Variants in SZT2 observed in about 807,000 individuals in gnomAD.
SZT2 encodes the protein SZT2 subunit of KICSTOR complex.
SZT2 carries 216 observed loss-of-function variants against 404.2 expected under a neutral mutation model. The observed-to-expected ratio is 0.53, with a 90% CI of 0.48 to 0.60. SZT2 has a LOEUF of 0.60. Among genes scored for constraint, SZT2 ranks in the 20% least tolerant of loss-of-function variants. The probability of loss-of-function intolerance (pLI) is 0.00; values close to 1 mark genes in which losing one functional copy is unlikely to be tolerated. For synonymous variants in SZT2, 1,693 were observed against 1,749.9 expected (o/e 0.97, Z 0.81); for missense variants, 3,857 against 4,459.2 (o/e 0.86, Z 3.85).
At chr1:43,435,165 A>G (rs1247175352) in intron 41 of SZT2, 35 bp from the exon 42 acceptor site, 10 of 1,609,440 alleles carry the variant, frequency 6.2e-6, no homozygotes, top group Non-Finnish European at 8.5e-6. Flanking sequence ...AGGAGGAGGT[A>G]TTTCAGTTCC....
At chr1:43,418,145 A>G (rs1570613143) in intron 7 of SZT2, among the ~76,000 whole-genome samples, 1 of 152,172 alleles carries the variant, frequency 6.6e-6, no homozygotes, top group Non-Finnish European at 1.5e-5. Context: ...AGAAGGAAGG[A>G]AATAGGGACA....
chr1:43,421,078 C>T, intron 10 of SZT2, 95 bp downstream of exon 10: 1 of 1,594,720 alleles, frequency 6.3e-7, no homozygotes, highest in Non-Finnish European at 8.5e-7. Context: ...ACCCAGAGAA[C>T]CAGGCTTATA....
intron 11 of SZT2, 121 bp from the exon 12 acceptor site, chr1:43,421,962 C>T (rs1652413289): frequency 8.7e-7 from 1 of 1,154,608 alleles, no homozygotes; most frequent in Non-Finnish European, 1.2e-6. Context: ...GGGCTGTAGC[C>T]TCAAACCACT....
Position 43,447,838 on chromosome 1 carries a change from G to A in SZT2, c.9441-11G>A, listed in dbSNP as rs201731223. 46 of 1,614,028 alleles carry A rather than the reference G, an allele frequency of 2.9e-5. No homozygotes were observed. The highest frequency in any genetic ancestry group is 2.7e-4 in the East Asian group (12 of 44,878). On this transcript the variant is annotated splice_polypyrimidine_tract_variant and intron_variant, in intron 67 of 71. Coordinates refer to ENST00000634258, the MANE Select transcript of SZT2 (RefSeq NM_001365999.1). ...CCCAGAGTTGACATCTCCCCAACCC[G>A]TCCTGCACAGTTCTGGCTCCTACCT...
At chr1:43,407,199 G>A (rs1244045953) in intron 4 of SZT2, among the ~76,000 whole-genome samples, 1 of 152,160 alleles carries the variant, frequency 6.6e-6, no homozygotes, top group East Asian at 1.9e-4. Flanking sequence ...CATTTTCTCT[G>A]TGGCTCCCTC....
At position 43,453,596 on chromosome 1, in the gene SZT2, C is replaced by G. The variant is rs1435200367; in HGVS notation, c.*3116C>G. The G allele has an allele frequency of 6.6e-7, 1 of 1,524,452 alleles. No homozygotes were observed. Among genetic ancestry groups the G allele is most frequent in the East Asian group, 2.5e-5 (1 of 40,502 alleles). The allele number at this position is 1,524,452 out of a possible 1,614,324, so 94.4% of individuals were successfully genotyped here. ...CAGCCCTCCCGGCCCGCGACGCACCCGGGGGCGTGTTGATCAGTACAAGCC... is the reference window on the plus strand; with the variant it reads ...CAGCCCTCCCGGCCCGCGACGCACCGGGGGGCGTGTTGATCAGTACAAGCC... On this transcript the variant is annotated 3_prime_UTR_variant, in exon 72 of 72. Coordinates refer to ENST00000634258, the MANE Select transcript of SZT2 (RefSeq NM_001365999.1).
In SZT2 at chr1:43,429,817, C is replaced by T; in HGVS notation, c.4281C>T (p.Ala1427=). Residue 1427 remains alanine (A), a synonymous_variant, in exon 29 of 72, where the codon GCC becomes GCT. Transcript: ENST00000634258. ...LTDVCQLRGE[A]HGALHSVIQE... ...ATGTCTGCCAGCTCAGAGGAGAGGC[C>T]CATGGTGCCCTTCATAGCGTCATCC... The T allele has an allele frequency of 1.2e-5, 19 of 1,614,154 alleles. No individual in the cohort carries two copies. The highest frequency in any genetic ancestry group is 1.4e-5 in the Non-Finnish European group (17 of 1,180,022).
rs570266587 is a variant in SZT2, at chr1:43,442,834, C to T, written c.8167C>T (p.Leu2723=). The T allele has an allele frequency of 1.2e-6, 2 of 1,605,242 alleles. No individual in the cohort carries two copies. The highest frequency in any genetic ancestry group is 1.7e-5 in the Admixed American group (1 of 59,492). Reference sequence around the variant, plus strand: ...CATCTCTCAGGAGCCAAACCCATTCCTGCTGCCGACCATGGAAGTGGAGAC... The same window carrying T: ...CATCTCTCAGGAGCCAAACCCATTCTTGCTGCCGACCATGGAAGTGGAGAC... ...VRDEKEPNPF[L]LPTMEVETLI... is the part of the protein sequence containing the mutation. Residue 2723 remains leucine (L), a synonymous_variant, in exon 59 of 72, where the codon CTG becomes TTG. Coordinates refer to ENST00000634258, the MANE Select transcript of SZT2 (RefSeq NM_001365999.1). This position sits in a 1 kb window ranked among gnomAD's most constrained non-coding sequence, Gnocchi z 4.5.
At chr1:43,421,104 C>T (rs533535750) in intron 10 of SZT2, 70 bp from the exon 11 acceptor site, 3 of 1,595,820 alleles carry the variant, frequency 1.9e-6, no homozygotes, top group Admixed American at 1.7e-5. Flanking sequence ...GGTCCCATGT[C>T]CCCCTAAGGC....
rs587777099 is a variant in SZT2, at chr1:43,430,069, ACTT to A, written c.4373_4375del (p.Phe1458del). On this transcript the variant is annotated inframe_deletion, in exon 30 of 72. Coordinates refer to ENST00000634258, the MANE Select transcript of SZT2 (RefSeq NM_001365999.1). ...CGCACAGTGCCTTCCAATCCCCACT[ACTT>A]CTTCTATTGCCCTCCATCCAGCAGG... 4 of 1,613,938 alleles carry A rather than the reference ACTT, an allele frequency of 2.5e-6. No individual in the cohort carries two copies. The highest frequency in any genetic ancestry group is 2.2e-5 in the East Asian group (1 of 44,864).
At chr1:43,417,906 C>T (rs963833261) in intron 7 of SZT2, among the ~76,000 whole-genome samples, 5 of 152,064 alleles carry the variant, frequency 3.3e-5, no homozygotes, top group African/African-American at 1.2e-4. Flanking sequence ...GAAGAATCAG[C>T]CAGGAACCAG....
chr1:43,426,742 A>G lies in SZT2; in HGVS notation c.3242A>G (p.His1081Arg). The change falls in exon 23 of 72, where the codon CAT becomes CGT. Residue 1081 changes from histidine to arginine, a missense_variant. His to Arg is a conservative substitution (Grantham distance 29). Around this residue, in one of 7 missense-constraint regions of SZT2, gnomAD observed 1,725 missense variants for 1,881.0 expected, o/e 0.92. Coordinates refer to ENST00000634258, the MANE Select transcript of SZT2 (RefSeq NM_001365999.1). The surrounding 1 kb of genome is among the most constrained non-coding windows in gnomAD (Gnocchi z 4.9). ...PGAEGPLLGV[H>R]GIPKEQAVGS... ...GCCGAGGGGCCACTGCTGGGGGTTC[A>G]TGGGATCCCGAAGGAGCAAGCAGTC... The G allele has an allele frequency of 2.5e-6, 4 of 1,613,202 alleles. No homozygotes were observed. Among genetic ancestry groups the G allele is most frequent in the African/African-American group, 1.3e-5 (1 of 74,988 alleles).
rs1342740746 is a variant in SZT2, at chr1:43,451,044, C to T, written c.*564C>T. ...TTAATGAGGTGGGTTCAGAAGCTCTCCCATCTTCACAGCAACCCTGGCACT... is the reference window on the plus strand; with the variant it reads ...TTAATGAGGTGGGTTCAGAAGCTCTTCCATCTTCACAGCAACCCTGGCACT... On this transcript the variant is annotated 3_prime_UTR_variant, in exon 72 of 72. Transcript: ENST00000634258. 2.6e-6 allele frequency: 2 copies of T among 782,256 alleles called. No individual in the cohort carries two copies. Among genetic ancestry groups the T allele is most frequent in the Non-Finnish European group, 4.6e-6 (2 of 434,958 alleles). The allele number at this position is 782,256 out of a possible 1,614,324, so 48.5% of individuals were successfully genotyped here.
chr1:43,416,512 T>C, intron 6 of SZT2, 23 bp from the exon 7 acceptor site: 1 of 1,591,484 alleles, frequency 6.3e-7, no homozygotes, highest in Non-Finnish European at 8.5e-7. Context: ...TCTCCAGGTC[T>C]GATCTGGTGT....
intron 41 of SZT2, 42 bp from the exon 42 acceptor site, chr1:43,435,158 A>G: frequency 1.2e-6 from 2 of 1,606,666 alleles, no homozygotes; most frequent in South Asian, 1.1e-5. Flanking sequence ...CCCACTTAGG[A>G]GGAGGTATTT....
rs906119040 is a variant in SZT2 at position 43,442,330 on chromosome 1, C to A, written c.7936C>A (p.Arg2646=). The part of the protein sequence containing the change: ...GDGSSGRNAP[R]QRLLLLEVVD... ...TGGGAGCTCAGGGCGAAATGCTCCC[C>A]GGCAGAGGCTCTTGCTACTAGAGGT... The change falls in exon 57 of 72, where the codon CGG becomes AGG. Residue 2646 remains arginine (R), a synonymous_variant. Transcript: ENST00000634258. This position sits in a 1 kb window ranked among gnomAD's most constrained non-coding sequence, Gnocchi z 4.5. 2 of 1,613,978 alleles carry A rather than the reference C, an allele frequency of 1.2e-6. No homozygotes were observed. Among genetic ancestry groups the A allele is most frequent in the Non-Finnish European group, 1.7e-6 (2 of 1,180,004 alleles).
intron 1 of SZT2, among the ~76,000 whole-genome samples, chr1:43,401,813 T>C (rs1649725885): frequency 6.6e-6 from 1 of 152,180 alleles, no homozygotes; most frequent in East Asian, 1.9e-4. Context: ...ATAGTACTTT[T>C]GCATATATCT....
Position 43,453,811 on chromosome 1 carries a change from C to A in SZT2, c.*3331C>A, listed in dbSNP as rs1055452800. 3.2e-6 allele frequency: 4 copies of A among 1,230,822 alleles called. No homozygotes were observed. The highest frequency in any genetic ancestry group is 4.0e-6 in the Non-Finnish European group (4 of 988,744). The allele number at this position is 1,230,822 out of a possible 1,614,324, so 76.2% of individuals were successfully genotyped here. A position where few individuals can be genotyped will look rare whatever the true frequency, so the allele number is the denominator to read the frequency against. ...GGCGCCATGCCTGGGGAGGCCGGGC[C>A]GGGCGGAGTCCGCGGGATCCAAAGG... On this transcript the variant is annotated 3_prime_UTR_variant, in exon 72 of 72. Transcript: ENST00000634258.
chr1:43,395,332 C>T (rs1296706983), intron 1 of SZT2, among the ~76,000 whole-genome samples: 1 of 152,140 alleles, frequency 6.6e-6, no homozygotes, highest in Admixed American at 6.5e-5. Flanking sequence ...GGGTCTTGCT[C>T]TGTCATCCAG....
Sources: allele counts gnomAD v4.1 joint callset (sites outside exome capture counted in the v4.1 genomes callset), GRCh38; gene constraint gnomAD v4.1.1; regional missense constraint gnomAD v4.1.1; non-coding constraint Gnocchi (gnomAD v3.1); transcripts MANE v1.5; gene names NCBI Gene and HGNC (gene_info 2026-07-23, HGNC 2026-07-21).